The following COL18A1 variants were observed in gnomAD, a reference collection of about 807,000 sequenced individuals.
The protein encoded by COL18A1 is collagen type XVIII alpha 1 chain, also known as collagen alpha-1(XVIII) chain.
A neutral mutation model predicts 168.0 loss-of-function variants in COL18A1; 133 were observed. The observed-to-expected ratio is 0.79, with a 90% CI of 0.69 to 0.91. COL18A1 has a LOEUF of 0.91. Ranked by LOEUF, COL18A1 falls within the 40% of genes least tolerant of loss-of-function variation. COL18A1 has a pLI of 0.00. For synonymous variants in COL18A1, 949 were observed against 809.0 expected (o/e 1.17, Z -2.94); for missense variants, 2,126 against 1,925.4 (o/e 1.10, Z -1.95).
Position 45,512,360 on chromosome 21 carries a change from C to T in COL18A1, c.3982C>T (p.Leu1328Phe). The change falls in exon 42 of 42, where the codon CTC (leucine) becomes TTC (phenylalanine). Residue 1328 changes from leucine (L) to phenylalanine (F), a missense_variant. Leu to Phe is a conservative substitution (Grantham distance 22). Transcript: ENST00000651438. The part of the protein sequence containing the change: ...AASCHHAYIV[L>F]CIENSFMTAS... ...GAGCTGCCATCACGCCTACATCGTG[C>T]TCTGCATTGAGAACAGCTTCATGAC... The T allele has an allele frequency of 1.9e-6, 3 of 1,612,814 alleles. No individual in the cohort carries two copies. Among genetic ancestry groups the T allele is most frequent in the Non-Finnish European group, 2.5e-6 (3 of 1,179,836 alleles).
intron 16 of COL18A1, 88 bp from the exon 17 acceptor site, chr21:45,487,359 A>T (rs1602523779): frequency 6.8e-7 from 1 of 1,480,736 alleles, no homozygotes; most frequent in Non-Finnish European, 9.3e-7. Flanking sequence ...AGCATGTCCC[A>T]CCCTCCTCTC....
intron 2 of COL18A1, among the ~76,000 whole-genome samples, chr21:45,437,322 A>G (rs1365301628): frequency 2.0e-5 from 2 of 101,422 alleles, no homozygotes; most frequent in Non-Finnish European, 1.9e-5. Context: ...ACTCTCCTGC[A>G]CACACACACA....
At chr21:45,426,874 C>T (rs755878954) in intron 2 of COL18A1, among the ~76,000 whole-genome samples, 10 of 152,164 alleles carry the variant, frequency 6.6e-5, no homozygotes, top group African/African-American at 1.9e-4. Flanking sequence ...ATGCTCCCCG[C>T]GGTGGAAGGA....
intron 32 of COL18A1, among the ~76,000 whole-genome samples, chr21:45,501,540 G>A (rs2036824642): frequency 1.3e-5 from 2 of 152,138 alleles, no homozygotes; most frequent in African/African-American, 2.4e-5. Flanking sequence ...GGAGAAGCAG[G>A]TGGAAGTCAG....
chr21:45,407,549 G>T (rs1362973571), intron 2 of COL18A1: 2 of 152,258 alleles, frequency 1.3e-5, no homozygotes, highest in Non-Finnish European at 1.5e-5. Context: ...CTCCTCTGGT[G>T]GATTTGTGTG....
chr21:45,413,942 G>A (rs1025533849), intron 2 of COL18A1, among the ~76,000 whole-genome samples: 2 of 152,342 alleles, frequency 1.3e-5, no homozygotes, highest in Non-Finnish European at 1.5e-5. Flanking sequence ...GCTGGGAGGC[G>A]TCTTCTAGTA....
In COL18A1 at chr21:45,509,409, C is replaced by T. The variant is rs768986320; in HGVS notation, c.3303C>T (p.Asn1101=). ...CCGTGGTGCAGCTGCACGACAGCAA[C>T]CCCTACCCGCGGCGGGAGCACCCCC... ...QPPVVQLHDS[N]PYPRREHPHP... The change falls in exon 39 of 42, where the codon AAC becomes AAT. Residue 1101 remains asparagine (N), a synonymous_variant. Transcript: ENST00000651438. 2 of 1,541,374 alleles carry T rather than the reference C, an allele frequency of 1.3e-6. No individual in the cohort carries two copies. The highest frequency in any genetic ancestry group is 1.9e-5 in the Admixed American group (1 of 51,728).
chr21:45,419,596 G>A (rs1219092993), intron 2 of COL18A1: 2 of 152,198 alleles, frequency 1.3e-5, no homozygotes, highest in Non-Finnish European at 2.9e-5. Context: ...TTTATCAGGC[G>A]TTTTGGGTGT....
At chr21:45,477,642 A>G (rs1178961729) in intron 7 of COL18A1, 108 bp from the exon 8 acceptor site, 3 of 1,305,194 alleles carry the variant, frequency 2.3e-6, no homozygotes, top group African/African-American at 2.9e-5. Context: ...CTGCGTGTCC[A>G]CTGTGGGAAG....
chr21:45,494,440 C>A, intron 26 of COL18A1, 105 bp from the exon 27 acceptor site: 1 of 1,535,992 alleles, frequency 6.5e-7, no homozygotes, highest in Non-Finnish European at 9.0e-7. Context: ...TCAGGTGGGG[C>A]ACAAGCCGCC....
chr21:45,490,839 C>A lies in COL18A1; in HGVS notation c.2035C>A (p.Pro679Thr), dbSNP rs552793687. 6.5e-7 allele frequency: 1 copy of A among 1,550,188 alleles called. No homozygotes were observed. The highest frequency in any genetic ancestry group is 1.2e-5 in the South Asian group (1 of 84,052). ...CATTTCCTTCCTGTCTCTCCAGGGG[C>A]CAAAGGGAGACAGAGGCAGCCGGGG... is the stretch of plus-strand genomic sequence containing the variant. ...GREGIAGPQG[P>T]KGDRGSRGEK... Residue 679 changes from proline (P) to threonine (T), a missense_variant, in exon 21 of 42, where the codon CCA becomes ACA. By Grantham distance (38) the Pro-to-Thr change is conservative (BLOSUM62 -1). Coordinates refer to ENST00000651438, the MANE Select transcript of COL18A1 (RefSeq NM_001379500.1).
chr21:45,420,159 T>A (rs1006998270), intron 2 of COL18A1: 2 of 152,242 alleles, frequency 1.3e-5, no homozygotes, highest in African/African-American at 4.8e-5. Flanking sequence ...GCCGGTCTCC[T>A]CCGAGTCTCC....
intron 11 of COL18A1, 71 bp from the exon 12 acceptor site, chr21:45,480,396 G>A: frequency 3.1e-6 from 5 of 1,612,200 alleles, no homozygotes; most frequent in Admixed American, 1.7e-5. Flanking sequence ...AGCTTGCGGG[G>A]CAGGGGCCAG....
At chr21:45,437,288 G>GCACA (rs1336041353) in intron 2 of COL18A1, among the ~76,000 whole-genome samples, 1 of 86,058 alleles carries the variant, frequency 1.2e-5, no homozygotes, top group African/African-American at 5.7e-5. Context: ...GCACTCTCCT[G>GCACA]CACACACACA....
intron 2 of COL18A1, among the ~76,000 whole-genome samples, chr21:45,455,286 C>T (rs2034755151): frequency 1.3e-5 from 2 of 152,268 alleles, no homozygotes; most frequent in African/African-American, 4.8e-5. Flanking sequence ...CTCACGGAGC[C>T]TGGGGCTGCT....
At chr21:45,407,343 C>T (rs1313143682) in intron 2 of COL18A1, 2 of 152,384 alleles carry the variant, frequency 1.3e-5, no homozygotes, top group Admixed American at 1.3e-4. Context: ...AATGATGCAT[C>T]TTTCCATGTC....
At chr21:45,500,202 GT>G (rs2036700549) in intron 32 of COL18A1, among the ~76,000 whole-genome samples, 2 of 131,398 alleles carry the variant, frequency 1.5e-5, no homozygotes, top group African/African-American at 6.1e-5. Context: ...TGTGGAGTGT[GT>G]GTGGCTGGGT....
chr21:45,448,652 T>C (rs775213520), intron 2 of COL18A1, among the ~76,000 whole-genome samples: 3 of 152,252 alleles, frequency 2.0e-5, no homozygotes, highest in Non-Finnish European at 2.9e-5. Flanking sequence ...AAGGACATTC[T>C]CCCACAGAGC....
intron 34 of COL18A1, 77 bp from the exon 35 acceptor site, chr21:45,505,057 C>T: frequency 1.3e-6 from 2 of 1,552,146 alleles, no homozygotes; most frequent in South Asian, 1.2e-5. Flanking sequence ...GTCTTGGCAG[C>T]TGCAGCCCCA....
Sources: gnomAD v4.1 joint callset for allele counts (sites outside exome capture counted in the v4.1 genomes callset) on GRCh38, gnomAD v4.1.1 for gene constraint, MANE v1.5 for transcripts, NCBI Gene and HGNC (gene_info 2026-07-23, HGNC 2026-07-21) for gene names.